Variants in CNTNAP4 observed in about 807,000 individuals in gnomAD.
CNTNAP4 encodes contactin-associated protein-like 4.
Under a neutral mutation model 148.4 loss-of-function variants are expected in CNTNAP4, and 98 were observed. The observed-to-expected ratio is 0.66, with a 90% CI of 0.56 to 0.78. The LOEUF (loss-of-function observed/expected upper bound fraction) is 0.78, where lower values mean the gene tolerates loss of function less well. Among genes scored for constraint, CNTNAP4 ranks in the 30% least tolerant of loss-of-function variants. CNTNAP4 has a pLI of 0.00. For missense variants in CNTNAP4, 1,935 were observed against 1,565.6 expected (o/e 1.24, Z -3.98); for synonymous variants, 730 against 565.1 (o/e 1.29, Z -4.14).
At chr16:76,501,405 G>A (rs2082638649) in intron 15 of CNTNAP4, among the ~76,000 whole-genome samples, 1 of 152,202 alleles carries the variant, frequency 6.6e-6, no homozygotes, top group Non-Finnish European at 1.5e-5. Context: ...CTGCCTATTT[G>A]TATGTTTTAA....
chr16:76,550,367 C>G (rs1382471515), intron 21 of CNTNAP4, among the ~76,000 whole-genome samples: 2 of 152,180 alleles, frequency 1.3e-5, no homozygotes, highest in Non-Finnish European at 2.9e-5. Flanking sequence ...TAAATATTAA[C>G]TGACCATGTG....
intron 16 of CNTNAP4, 124 bp from the exon 17 acceptor site, chr16:76,521,915 C>G: frequency 1.2e-6 from 1 of 855,088 alleles, no homozygotes; most frequent in Admixed American, 1.8e-5. Flanking sequence ...GCATTGAAAC[C>G]ATCTATGTTC....
At position 76,355,511 on chromosome 16, in the gene CNTNAP4, G is replaced by A; in HGVS notation, c.390G>A (p.Trp130Ter). ...WKQYRQEDSI[W>*]GFSGNANADS... Reference sequence around the variant, plus strand: ...AATATCGCCAAGAGGACAGCATCTGGGTATGTTCTTTAACAAAAGACATAG... The same window carrying A: ...AATATCGCCAAGAGGACAGCATCTGAGTATGTTCTTTAACAAAAGACATAG... Residue 130 changes from tryptophan to a stop codon, truncating the protein, a stop_gained and splice_region_variant, in exon 3 of 24, where the codon TGG (tryptophan) becomes TGA (stop). Coordinates refer to ENST00000611870, the MANE Select transcript of CNTNAP4 (RefSeq NM_033401.5). LOFTEE classifies it high-confidence loss of function. 1 of 1,593,816 alleles carries A rather than the reference G, an allele frequency of 6.3e-7. No individual in the cohort carries two copies. The highest frequency in any genetic ancestry group is 8.5e-7 in the Non-Finnish European group (1 of 1,170,452).
intron 13 of CNTNAP4, among the ~76,000 whole-genome samples, chr16:76,490,398 G>T (rs923281823): frequency 6.6e-6 from 1 of 152,086 alleles, no homozygotes; most frequent in Non-Finnish European, 1.5e-5. Flanking sequence ...AAACCATCTT[G>T]ACTCTTTATT....
At chr16:76,313,614 ACTGT>A (rs1453553218) in intron 1 of CNTNAP4, among the ~76,000 whole-genome samples, 1 of 152,230 alleles carries the variant, frequency 6.6e-6, no homozygotes, top group Non-Finnish European at 1.5e-5. Context: ...ACATGCAGGA[ACTGT>A]CTGTCATAAT....
chr16:76,465,549 A>G (rs2081144444), intron 9 of CNTNAP4, among the ~76,000 whole-genome samples: 1 of 152,324 alleles, frequency 6.6e-6, no homozygotes, highest in South Asian at 2.1e-4. Flanking sequence ...AGGAAACGCC[A>G]CCTGGAGAAA....
At chr16:76,382,395 C>A (rs2016071048) in intron 3 of CNTNAP4, among the ~76,000 whole-genome samples, 1 of 152,064 alleles carries the variant, frequency 6.6e-6, no homozygotes, top group African/African-American at 2.4e-5. Context: ...CCAAAAAAAT[C>A]TTAAGCTACT....
At chr16:76,335,209 A>G (rs770133026) in intron 2 of CNTNAP4, among the ~76,000 whole-genome samples, 38 of 152,168 alleles carry the variant, frequency 2.5e-4, no homozygotes, top group Non-Finnish European at 4.3e-4. Flanking sequence ...GAGCACATAC[A>G]TTTCTGCAAG....
intron 9 of CNTNAP4, among the ~76,000 whole-genome samples, chr16:76,463,199 T>C (rs2081047380): frequency 6.6e-6 from 1 of 152,224 alleles, no homozygotes; most frequent in African/African-American, 2.4e-5. Context: ...CACATTCTTT[T>C]AATAAATAGT....
intron 6 of CNTNAP4, among the ~76,000 whole-genome samples, chr16:76,449,276 C>A (rs1250664899): frequency 2.0e-5 from 3 of 152,124 alleles, no homozygotes; most frequent in Non-Finnish European, 4.4e-5. Flanking sequence ...TTTGCTATGA[C>A]TTCTTTGTGT....
intron 2 of CNTNAP4, among the ~76,000 whole-genome samples, chr16:76,346,605 A>G (rs966778035): frequency 2.0e-5 from 3 of 152,202 alleles, no homozygotes; most frequent in African/African-American, 7.2e-5. Context: ...CTTAGAAAGC[A>G]AAACATGGGC....
chr16:76,538,967 C>T (rs8045530), intron 19 of CNTNAP4, among the ~76,000 whole-genome samples: 6,990 of 152,084 alleles, frequency 0.046, 202 homozygotes, highest in South Asian at 0.11. Context: ...GAAAAGCAAA[C>T]ATACAAACAT....
At chr16:76,314,290 C>A (rs1163828608) in intron 1 of CNTNAP4, among the ~76,000 whole-genome samples, 1 of 152,058 alleles carries the variant, frequency 6.6e-6, no homozygotes, top group Non-Finnish European at 1.5e-5. Flanking sequence ...TTGAATCTTG[C>A]GAAAGAAAGC....
chr16:76,425,979 G>T (rs1016067709), intron 3 of CNTNAP4, among the ~76,000 whole-genome samples: 9 of 152,166 alleles, frequency 5.9e-5, no homozygotes, highest in African/African-American at 2.2e-4. Flanking sequence ...ACCAGGAAGA[G>T]GCTGTCAGGG....
rs2082292872 is a variant in CNTNAP4, at chr16:76,493,364, G to T, written c.2081-1546G>T. Among the ~76,000 whole-genome samples the T allele has an allele frequency of 2.0e-5, 3 of 152,264 alleles. No homozygotes were observed. In the South Asian group the frequency reaches 6.2e-4, roughly 32 times the overall value. ...AAGGGTGATCAATGGGAATGCTCAAGTCATTTAGGAAAGTAATTATGGGAG... is the reference window on the plus strand; with the variant it reads ...AAGGGTGATCAATGGGAATGCTCAATTCATTTAGGAAAGTAATTATGGGAG... On this transcript the variant is annotated intron_variant, in intron 13 of 23. Coordinates refer to ENST00000611870, the MANE Select transcript of CNTNAP4 (RefSeq NM_033401.5).
intron 1 of CNTNAP4, among the ~76,000 whole-genome samples, chr16:76,280,141 G>T (rs1275221100): frequency 6.6e-6 from 1 of 152,068 alleles, no homozygotes; most frequent in Non-Finnish European, 1.5e-5. Context: ...AAAATTAAAG[G>T]ACTAGAAAGA....
chr16:76,477,741 A>G (rs185125370), intron 11 of CNTNAP4, among the ~76,000 whole-genome samples: 1 of 152,312 alleles, frequency 6.6e-6, no homozygotes, highest in African/African-American at 2.4e-5. Flanking sequence ...AGGACAGTAT[A>G]TTTTAATTTT....
At chr16:76,376,012 G>C (rs1392309989) in intron 3 of CNTNAP4, among the ~76,000 whole-genome samples, 1 of 152,058 alleles carries the variant, frequency 6.6e-6, no homozygotes, top group East Asian at 1.9e-4. Flanking sequence ...ACATGAAAGA[G>C]TTTGTGTGAA....
chr16:76,524,450 C>A (rs974074240), intron 17 of CNTNAP4, among the ~76,000 whole-genome samples: 2 of 152,064 alleles, frequency 1.3e-5, no homozygotes, highest in African/African-American at 4.8e-5. Flanking sequence ...CTGAAATAGT[C>A]CTCAAATTTT....
Sources: allele counts gnomAD v4.1 joint callset (sites outside exome capture counted in the v4.1 genomes callset), GRCh38; gene constraint gnomAD v4.1.1; transcripts MANE v1.5; gene names NCBI Gene and HGNC (gene_info 2026-07-23, HGNC 2026-07-21).